Variants in KALRN observed in about 807,000 individuals in gnomAD.
KALRN encodes kalirin.
KALRN carries 70 observed loss-of-function variants against 353.7 expected under a neutral mutation model. That is an observed-to-expected ratio of 0.20 (90% CI 0.16 to 0.24). The LOEUF (loss-of-function observed/expected upper bound fraction) is 0.24, where lower values mean the gene tolerates loss of function less well. KALRN is among the 10% of genes least tolerant of loss of function. The probability of loss-of-function intolerance (pLI) is 1.00; values close to 1 mark genes in which losing one functional copy is unlikely to be tolerated. For missense variants in KALRN, 2,791 were observed against 3,756.7 expected, an observed-to-expected ratio of 0.74 and a Z score of 6.72; for synonymous variants, 1,391 against 1,434.8, an observed-to-expected ratio of 0.97 and a Z score of 0.69.
chr3:124,482,864 T>C lies in KALRN; in HGVS notation c.4248T>C (p.Pro1416=). 3.7e-6 allele frequency: 6 copies of C among 1,613,496 alleles called. No homozygotes were observed. The highest frequency in any genetic ancestry group is 5.1e-6 in the Non-Finnish European group (6 of 1,179,386). ...CCATCTCTTCCTACCTAATTAAGCC[T>C]GTCCAAAGGATCACCAAATATCAAC... The part of the protein sequence containing the change: ...ANSISSYLIK[P]VQRITKYQLL... Residue 1416 remains proline (P), a synonymous_variant, in exon 28 of 60, where the codon CCT becomes CCC. Coordinates refer to ENST00000682506, the MANE Select transcript of KALRN (RefSeq NM_001388419.1).
At chr3:124,258,546 A>C (rs945455028) in intron 3 of KALRN, among the ~76,000 whole-genome samples, 1 of 151,952 alleles carries the variant, frequency 6.6e-6, no homozygotes, top group Non-Finnish European at 1.5e-5. Context: ...TCTATTCTTG[A>C]CTCAGAAGAT....
In KALRN at chr3:124,674,477, C is replaced by A; in HGVS notation, c.7056C>A (p.Ala2352=). 6.2e-7 allele frequency: 1 copy of A among 1,614,006 alleles called. No homozygotes were observed. Among genetic ancestry groups the A allele is most frequent in the Non-Finnish European group, 8.5e-7 (1 of 1,179,986 alleles). The change falls in exon 49 of 60, where the codon GCC becomes GCA. Residue 2352 remains alanine (A), a synonymous_variant. Coordinates refer to ENST00000682506, the MANE Select transcript of KALRN (RefSeq NM_001388419.1). ...VSQGEVVQVL[A]VNQQNMCLVY... is the part of the protein sequence containing the mutation. ...AAGGTGAGGTGGTCCAGGTCCTCGC[C>A]GTCAACCAGCAGAACATGTGTCTGG...
intron 11 of KALRN, among the ~76,000 whole-genome samples, chr3:124,389,792 A>T (rs961325358): frequency 1.4e-4 from 22 of 152,362 alleles, no homozygotes; most frequent in African/African-American, 4.8e-4. Flanking sequence ...CCAGAAGTAA[A>T]TATGCCAAGA....
chr3:124,460,875 A>T (rs535575607), intron 23 of KALRN, among the ~76,000 whole-genome samples: 1 of 152,324 alleles, frequency 6.6e-6, no homozygotes, highest in African/African-American at 2.4e-5. Context: ...CCCAAGGAGG[A>T]AGAGAACCCT....
At chr3:124,180,775 C>T (rs1205831525) in intron 1 of KALRN, among the ~76,000 whole-genome samples, 5 of 152,144 alleles carry the variant, frequency 3.3e-5, no homozygotes, top group African/African-American at 1.2e-4. Context: ...TCTCTCTGCT[C>T]TCCTTCCTCC....
At chr3:124,621,620 T>C (rs1035461936) in intron 34 of KALRN, among the ~76,000 whole-genome samples, 1 of 152,240 alleles carries the variant, frequency 6.6e-6, no homozygotes, top group African/African-American at 2.4e-5. Flanking sequence ...ATAGTATTTC[T>C]AGCTCCCCCC....
At chr3:124,105,557 G>A (rs1395915761) in intron 1 of KALRN, among the ~76,000 whole-genome samples, 1 of 152,098 alleles carries the variant, frequency 6.6e-6, no homozygotes, top group African/African-American at 2.4e-5. Flanking sequence ...AGGAGAGCCA[G>A]GACATAATAA....
intron 17 of KALRN, among the ~76,000 whole-genome samples, chr3:124,436,008 G>A (rs1423990844): frequency 5.3e-5 from 8 of 152,138 alleles, no homozygotes; most frequent in Non-Finnish European, 8.8e-5. Context: ...ATCGTATCTG[G>A]TATAAGAATA....
At chr3:124,170,913 A>G (rs2071710437) in intron 1 of KALRN, among the ~76,000 whole-genome samples, 1 of 132,334 alleles carries the variant, frequency 7.6e-6, no homozygotes, top group African/African-American at 2.9e-5. Flanking sequence ...AGTGTCGTTC[A>G]AAAGATTCTC....
At chr3:124,565,763 A>C (rs528999743) in intron 34 of KALRN, among the ~76,000 whole-genome samples, 2 of 152,186 alleles carry the variant, frequency 1.3e-5, no homozygotes, top group Non-Finnish European at 2.9e-5. Flanking sequence ...TGGGGCTGCC[A>C]CATGTGCAAC....
Position 124,317,081 on chromosome 3 carries a change from A to C in KALRN, c.1093-8899A>C, listed in dbSNP as rs548549673. Among the ~76,000 whole-genome samples, 8 of 152,306 alleles carry C rather than the reference A, an allele frequency of 5.3e-5. No individual in the cohort carries two copies. In the East Asian group the frequency reaches 1.5e-3, roughly 29 times the overall value. The stretch of plus-strand genomic sequence containing the variant: ...CTCCTGCCCATTCCGGAGCTAGGCT[A>C]TTCTGGAAAATCCAAGAGCACGTCA... On this transcript the variant is annotated intron_variant, in intron 6 of 59. Transcript: ENST00000682506.
chr3:124,247,997 C>T (rs537147068), intron 3 of KALRN, among the ~76,000 whole-genome samples: 4 of 152,296 alleles, frequency 2.6e-5, no homozygotes, highest in South Asian at 4.1e-4. Context: ...ATTACCTAAA[C>T]AAAACAAGTG....
At chr3:124,052,727 C>A (rs1421118895) in intron 1 of KALRN, among the ~76,000 whole-genome samples, 1 of 151,574 alleles carries the variant, frequency 6.6e-6, no homozygotes, top group Non-Finnish European at 1.5e-5. Flanking sequence ...CTAAAAAGTA[C>A]ACTAAAGCAT....
intron 41 of KALRN, 21 bp from the exon 42 acceptor site, chr3:124,658,410 T>C (rs963339774): frequency 1.3e-6 from 2 of 1,583,582 alleles, no homozygotes; most frequent in East Asian, 2.2e-5. Context: ...ACTGTCCACA[T>C]GTCTCTCTCT....
chr3:124,496,618 G>A (rs2063881918), intron 33 of KALRN, among the ~76,000 whole-genome samples: 1 of 152,200 alleles, frequency 6.6e-6, no homozygotes, highest in African/African-American at 2.4e-5. Flanking sequence ...GAAGACTGCG[G>A]TGGTTCAGGC....
In KALRN at chr3:124,467,683, C is replaced by T. The variant is rs188656570; in HGVS notation, c.4031+5050C>T. 8.5e-5 allele frequency among the ~76,000 whole-genome samples: 13 copies of T among 152,174 alleles called. No homozygotes were observed. The East Asian group carries it at 2.3e-3, about 27-fold the overall frequency. On this transcript the variant is annotated intron_variant, in intron 25 of 59. Transcript: ENST00000682506. The stretch of plus-strand genomic sequence containing the variant: ...TGGGTCATGGGAAGCAGAGAGAGGT[C>T]TCATTGTCGCACTCCCAGGTAGGCT...
intron 5 of KALRN, among the ~76,000 whole-genome samples, chr3:124,291,117 G>C (rs1054167665): frequency 2.2e-4 from 34 of 152,190 alleles, no homozygotes; most frequent in African/African-American, 7.7e-4. Flanking sequence ...CAGCAGTTCA[G>C]CTCAGCCATC....
intron 10 of KALRN, among the ~76,000 whole-genome samples, chr3:124,378,908 G>T (rs906876386): frequency 6.6e-6 from 1 of 151,024 alleles, no homozygotes; most frequent in Non-Finnish European, 1.5e-5. Context: ...TTTTCTTTGT[G>T]TTTCTTGTGT....
intron 1 of KALRN, among the ~76,000 whole-genome samples, chr3:124,148,138 G>T (rs1441727113): frequency 6.6e-6 from 1 of 152,148 alleles, no homozygotes; most frequent in African/African-American, 2.4e-5. Context: ...GGATGTAGTC[G>T]GCTCCCCTCT....
Sources: gnomAD v4.1 joint callset for allele counts (sites outside exome capture counted in the v4.1 genomes callset) on GRCh38, gnomAD v4.1.1 for gene constraint, MANE v1.5 for transcripts, NCBI Gene and HGNC (gene_info 2026-07-23, HGNC 2026-07-21) for gene names.